Variants in RAG1 observed in about 807,000 individuals in gnomAD.
RAG1 encodes V(D)J recombination-activating protein 1.
Under a neutral mutation model 62.7 loss-of-function variants are expected in RAG1, and 35 were observed. That is an observed-to-expected ratio of 0.56 (90% CI 0.43 to 0.74). The LOEUF is 0.74. Ranked by LOEUF, RAG1 falls within the 30% of genes least tolerant of loss-of-function variation. The pLI, the probability that RAG1 is intolerant of heterozygous loss-of-function variation, is 0.00. For synonymous variants in RAG1, 461 were observed against 470.3 expected, an observed-to-expected ratio of 0.98 and a Z score of 0.26; for missense variants, 1,169 against 1,278.6, an observed-to-expected ratio of 0.91 and a Z score of 1.31.
intron 3 of RAG1, among the ~76,000 whole-genome samples, chr11:36,549,211 G>A (rs1306299233): frequency 2.0e-5 from 3 of 152,160 alleles, no homozygotes; most frequent in Non-Finnish European, 4.4e-5. Flanking sequence ...ATATAGGCAT[G>A]GGCAAAGACT....
chr11:36,526,394 C>T (rs1860163427), intron 2 of RAG1, among the ~76,000 whole-genome samples: 1 of 152,072 alleles, frequency 6.6e-6, no homozygotes, highest in Admixed American at 6.6e-5. Flanking sequence ...TTATCCATGT[C>T]CCTGCAAAGG....
chr11:36,528,344 C>G (rs766927406), intron 2 of RAG1, among the ~76,000 whole-genome samples: 2 of 152,280 alleles, frequency 1.3e-5, no homozygotes, highest in East Asian at 1.9e-4. Flanking sequence ...GAAACTCACT[C>G]AAAACCACTC....
upstream of RAG1, among the ~76,000 whole-genome samples, chr11:36,563,872 G>C (rs1438512791): frequency 1.3e-5 from 2 of 152,086 alleles, no homozygotes; most frequent in Non-Finnish European, 2.9e-5. Flanking sequence ...CCTGCAATTA[G>C]GCATTCAGGC....
intron 3 of RAG1, among the ~76,000 whole-genome samples, chr11:36,550,738 T>C (rs1160382974): frequency 6.6e-6 from 1 of 152,148 alleles, no homozygotes; most frequent in African/African-American, 2.4e-5. Flanking sequence ...AATTCTCATG[T>C]AGGTTTTTCT....
Position 36,575,718 on chromosome 11 carries a change from C to T in RAG1, c.2414C>T (p.Ala805Val). 1 of 1,614,208 alleles carries T rather than the reference C, an allele frequency of 6.2e-7. No individual in the cohort carries two copies. The highest frequency in any genetic ancestry group is 8.5e-7 in the Non-Finnish European group (1 of 1,180,038). Residue 805 changes from alanine to valine, a missense_variant, in exon 2 of 2, where the codon GCT (alanine) becomes GTT (valine). This residue lies in a region of RAG1 where 800 missense variants were observed against 943.3 expected (regional missense o/e 0.85). Transcript: ENST00000299440. This position sits in a 1 kb window ranked among gnomAD's most constrained non-coding sequence, Gnocchi z 4.1. Reference protein sequence around the residue: ...DALHCDIGNAAEFYKIFQLEI... With the variant: ...DALHCDIGNAVEFYKIFQLEI... ...CTCCACTGTGACATTGGCAATGCAG[C>T]TGAGTTCTACAAGATCTTCCAGCTA...
At chr11:36,537,977 T>G (rs1410915935), downstream of RAG1, among the ~76,000 whole-genome samples, 5 of 152,144 alleles carry the variant, frequency 3.3e-5, no homozygotes, top group African/African-American at 1.2e-4. Context: ...AAGCATAAAT[T>G]TATTTTATCC....
chr11:36,519,424 G>A (rs1424696526), intron 1 of RAG1, among the ~76,000 whole-genome samples: 1 of 152,154 alleles, frequency 6.6e-6, no homozygotes, highest in Non-Finnish European at 1.5e-5. Flanking sequence ...AACACATCAA[G>A]CATTTTTATT....
At chr11:36,542,796 A>AT (rs1850328671) in intron 3 of RAG1, among the ~76,000 whole-genome samples, 1 of 152,016 alleles carries the variant, frequency 6.6e-6, no homozygotes, top group Non-Finnish European at 1.5e-5. Flanking sequence ...CATGTTTTGA[A>AT]TTTTTTCCTT....
intron 2 of RAG1, among the ~76,000 whole-genome samples, chr11:36,528,850 G>A (rs2133253875): frequency 6.6e-6 from 1 of 152,304 alleles, no homozygotes; most frequent in East Asian, 1.9e-4. Flanking sequence ...ACTGCCATCA[G>A]AGAATACTAT....
At chr11:36,563,178 A>G (rs751645601), upstream of RAG1, among the ~76,000 whole-genome samples, 14 of 152,236 alleles carry the variant, frequency 9.2e-5, no homozygotes, top group Non-Finnish European at 1.8e-4. Context: ...ATACCCATAT[A>G]GCTACTAAAA....
At chr11:36,543,524 G>A (rs928845050) in intron 3 of RAG1, among the ~76,000 whole-genome samples, 1 of 152,202 alleles carries the variant, frequency 6.6e-6, no homozygotes, top group African/African-American at 2.4e-5. Context: ...TGGTTCTGTT[G>A]TGGCACTTAC....
chr11:36,523,049 T>C (rs1182027334), intron 2 of RAG1, among the ~76,000 whole-genome samples: 1 of 152,196 alleles, frequency 6.6e-6, no homozygotes, highest in African/African-American at 2.4e-5. Flanking sequence ...GACTTTGGAC[T>C]GTGGACTTTT....
chr11:36,510,355 T>C (rs1859898177), upstream of RAG1: 1 of 152,106 alleles, frequency 6.6e-6, no homozygotes, highest in Admixed American at 6.5e-5. Context: ...CTGGCGGTGA[T>C]CCTCCAGGCG....
Position 36,517,672 on chromosome 11 carries a change from T to G in RAG1, n.331-2460T>G, listed in dbSNP as rs771243847. Among the ~76,000 whole-genome samples the G allele has an allele frequency of 6.7e-4, 102 of 152,200 alleles. 1 individual carries two copies. The highest frequency in any genetic ancestry group is 1.3e-3 in the Non-Finnish European group (90 of 68,030). The stretch of plus-strand genomic sequence containing the variant: ...GGTGTGGTCGTTAATACCTTGTGAT[T>G]ATTAAGAACAAAATAACTTTCAATT... On this transcript the variant is annotated intron_variant and non_coding_transcript_variant, in intron 1 of 2. Transcript: ENST00000529126.
chr11:36,527,963 A>T (rs1231010304), intron 2 of RAG1, among the ~76,000 whole-genome samples: 1 of 152,120 alleles, frequency 6.6e-6, no homozygotes, highest in African/African-American at 2.4e-5. Flanking sequence ...CAGCTTAAGG[A>T]GATTTTGGAC....
At chr11:36,548,708 T>A (rs1850435634) in intron 3 of RAG1, among the ~76,000 whole-genome samples, 1 of 152,218 alleles carries the variant, frequency 6.6e-6, no homozygotes, top group African/African-American at 2.4e-5. Context: ...CAAAATAATT[T>A]ATAGATTCAA....
intron 3 of RAG1, among the ~76,000 whole-genome samples, chr11:36,542,892 A>G (rs912303821): frequency 1.3e-5 from 2 of 152,224 alleles, no homozygotes; most frequent in Non-Finnish European, 2.9e-5. Flanking sequence ...TAAAATTCAC[A>G]TGCAAAATAT....
chr11:36,517,406 TG>T (rs1860010486), intron 1 of RAG1, among the ~76,000 whole-genome samples: 1 of 152,040 alleles, frequency 6.6e-6, no homozygotes, highest in Non-Finnish European at 1.5e-5. Flanking sequence ...TGTTTTGGGG[TG>T]GGGGGAATAT....
At chr11:36,570,525 G>T (rs2133289698) in intron 1 of RAG1, among the ~76,000 whole-genome samples, 1 of 152,158 alleles carries the variant, frequency 6.6e-6, no homozygotes, top group African/African-American at 2.4e-5. Context: ...AACTTCCTTT[G>T]GATAAATACC....
Sources: gnomAD v4.1 joint callset for allele counts (sites outside exome capture counted in the v4.1 genomes callset) on GRCh38, gnomAD v4.1.1 for gene constraint, gnomAD v4.1.1 regional missense constraint, Gnocchi (gnomAD v3.1) non-coding constraint, MANE v1.5 for transcripts, NCBI Gene and HGNC (gene_info 2026-07-23, HGNC 2026-07-21) for gene names.